The following AKR1C8 variants were observed in gnomAD, a reference collection of about 807,000 sequenced individuals.
AKR1C8 encodes aldo-keto reductase family 1 member C-like protein 1.
chr10:5,135,475 T>C, the AKR1C8 span, among the ~76,000 whole-genome samples: 2 of 152,164 alleles, frequency 1.3e-5, no homozygotes, highest in African/African-American at 4.8e-5. Flanking sequence ...ATAAAATTAT[T>C]ATTTTCTTAC....
At chr10:5,142,339 C>A in the AKR1C8 span, among the ~76,000 whole-genome samples, 3 of 152,094 alleles carry the variant, frequency 2.0e-5, no homozygotes. Flanking sequence ...GTTTTGCATT[C>A]TAACCATTTC....
chr10:5,160,130 T>C, the AKR1C8 span: 1 of 358,376 alleles, frequency 2.8e-6, no homozygotes, highest in Non-Finnish European at 5.7e-6. Context: ...TTAAACAGTT[T>C]TATCACTTGA....
At chr10:5,122,109 T>G in the AKR1C8 span, 1 of 370,944 alleles carries the variant, frequency 2.7e-6, no homozygotes, top group Non-Finnish European at 5.5e-6. Context: ...ATGTCGGAGA[T>G]TTCCGTTGAG....
At chr10:5,172,979 C>G in the AKR1C8 span, among the ~76,000 whole-genome samples, 10 of 152,068 alleles carry the variant, frequency 6.6e-5, no homozygotes, top group African/African-American at 2.2e-4. Context: ...TTTTTAGGGC[C>G]TAATAAACAA....
At chr10:5,138,566 G>A in the AKR1C8 span, among the ~76,000 whole-genome samples, 1 of 152,114 alleles carries the variant, frequency 6.6e-6, no homozygotes, top group Non-Finnish European at 1.5e-5. Context: ...TTATCACAGT[G>A]GTCTTGAGGC....
the AKR1C8 span, among the ~76,000 whole-genome samples, chr10:5,128,153 A>G: frequency 6.6e-6 from 1 of 152,182 alleles, no homozygotes; most frequent in African/African-American, 2.4e-5. Flanking sequence ...AATAACTGTC[A>G]GCCAGAAATT....
the AKR1C8 span, among the ~76,000 whole-genome samples, chr10:5,128,633 C>A: frequency 6.6e-6 from 1 of 151,764 alleles, no homozygotes; most frequent in Non-Finnish European, 1.5e-5. Flanking sequence ...TCAGGAGTTG[C>A]TACTCTTATA....
the AKR1C8 span, chr10:5,162,802 T>A: frequency 2.3e-6 from 1 of 438,874 alleles, no homozygotes; most frequent in East Asian, 5.8e-5. Flanking sequence ...TTCAAAATAA[T>A]ATATCTGAAC....
the AKR1C8 span, among the ~76,000 whole-genome samples, chr10:5,153,157 ATTTTGT>A: frequency 6.6e-6 from 1 of 152,156 alleles, no homozygotes; most frequent in Admixed American, 6.5e-5. Context: ...TAAAATTTTT[ATTTTGT>A]TTAATTTTTG....
chr10:5,172,699 C>G, the AKR1C8 span, among the ~76,000 whole-genome samples: 1 of 152,090 alleles, frequency 6.6e-6, no homozygotes, highest in African/African-American at 2.4e-5. Flanking sequence ...TAAGACATTT[C>G]TAATTTTACT....
At chr10:5,171,847 G>A in the AKR1C8 span, among the ~76,000 whole-genome samples, 79,880 of 151,866 alleles carry the variant, frequency 0.53, 22,010 homozygotes, top group Non-Finnish European at 0.6. Context: ...TTCAACCTTT[G>A]AATGGAGGTA....
chr10:5,179,540 G>C, the AKR1C8 span, among the ~76,000 whole-genome samples: 8 of 151,904 alleles, frequency 5.3e-5, no homozygotes, highest in Non-Finnish European at 8.8e-5. Context: ...TGCTAGATTG[G>C]AGAAGTTCTC....
At chr10:5,117,028 A>G in the AKR1C8 span, among the ~76,000 whole-genome samples, 2 of 151,986 alleles carry the variant, frequency 1.3e-5, no homozygotes, top group African/African-American at 4.8e-5. Context: ...TTTAGAAATA[A>G]CTCTAAGAAC....
chr10:5,170,370 CAG>C, the AKR1C8 span, among the ~76,000 whole-genome samples: 1 of 152,020 alleles, frequency 6.6e-6, no homozygotes, highest in African/African-American at 2.4e-5. Context: ...TATTAAAAGA[CAG>C]ATTATGGTAG....
At chr10:5,166,336 C>A in the AKR1C8 span, among the ~76,000 whole-genome samples, 4 of 152,162 alleles carry the variant, frequency 2.6e-5, no homozygotes, top group African/African-American at 9.7e-5. Flanking sequence ...CCAAGTCAAT[C>A]CTAAGCCAAA....
chr10:5,173,050 C>T, the AKR1C8 span, among the ~76,000 whole-genome samples: 1 of 152,162 alleles, frequency 6.6e-6, no homozygotes, highest in East Asian at 1.9e-4. Flanking sequence ...ATTCCAGGGG[C>T]TCCATAAGGA....
the AKR1C8 span, chr10:5,157,712 G>A: frequency 8.5e-6 from 4 of 472,820 alleles, no homozygotes; most frequent in Non-Finnish European, 1.8e-5. Flanking sequence ...TGGTAGCGCA[G>A]GGCGACCTGG....
the AKR1C8 span, among the ~76,000 whole-genome samples, chr10:5,116,323 G>A: frequency 2.6e-5 from 4 of 152,064 alleles, no homozygotes; most frequent in African/African-American, 9.7e-5. Context: ...TCTCCCGGTG[G>A]CAGCGTTCTT....
the AKR1C8 span, among the ~76,000 whole-genome samples, chr10:5,148,388 C>T: frequency 6.6e-6 from 1 of 152,110 alleles, no homozygotes; most frequent in Non-Finnish European, 1.5e-5. Context: ...GTAACCCAGG[C>T]AGATATCAAT....
Sources: allele counts gnomAD v4.1 joint callset (sites outside exome capture counted in the v4.1 genomes callset), GRCh38; gene constraint gnomAD v4.1.1; transcripts MANE v1.5; gene names NCBI Gene and HGNC (gene_info 2026-07-23, HGNC 2026-07-21).